Variants in UNC13C observed in about 807,000 individuals in gnomAD.
The protein encoded by UNC13C is unc-13 homolog C.
Under a neutral mutation model 245.4 loss-of-function variants are expected in UNC13C, and 174 were observed. The ratio of observed to expected loss-of-function variants is 0.71; its 90% CI spans 0.63 to 0.80. UNC13C has a LOEUF of 0.80. Among genes scored for constraint, UNC13C ranks in the 30% least tolerant of loss-of-function variants. UNC13C has a pLI of 0.00. For missense variants in UNC13C, 2,829 were observed against 2,602.9 expected (o/e 1.09, Z -1.89); for synonymous variants, 992 against 895.1 (o/e 1.11, Z -1.93).
rs2035738218 is a variant in UNC13C, at chr15:54,237,647, C to T, written c.3185C>T (p.Ser1062Phe). The change falls in exon 7 of 33, where the codon TCC (serine) becomes TTC (phenylalanine). Residue 1062 changes from serine (S) to phenylalanine (F), a missense_variant. By Grantham distance (155) the Ser-to-Phe change is radical. Transcript: ENST00000260323. ...CTGGCTGCCCGGAAATCTGGACTCT[C>T]CCTGGCTATGGTGATTAGGACATCC... ...MTLAARKSGL[S>F]LAMVIRTSLN... The T allele has an allele frequency of 6.2e-7, 1 of 1,612,408 alleles. No homozygotes were observed. Among genetic ancestry groups the T allele is most frequent in the Non-Finnish European group, 8.5e-7 (1 of 1,179,428 alleles).
intron 19 of UNC13C, among the ~76,000 whole-genome samples, chr15:54,462,874 G>A (rs552604112): frequency 6.6e-6 from 1 of 152,140 alleles, no homozygotes; most frequent in African/African-American, 2.4e-5. Context: ...CTCCACCCAT[G>A]GGCCTGGCAT....
chr15:54,314,080 A>C (rs111926104), intron 13 of UNC13C, among the ~76,000 whole-genome samples: 32,096 of 151,516 alleles, frequency 0.21, 3,512 homozygotes, highest in South Asian at 0.29. Context: ...ATCAAAAAAA[A>C]AAAACAAAAC....
chr15:54,501,462 A>G (rs985161094), intron 22 of UNC13C, among the ~76,000 whole-genome samples: 1 of 152,136 alleles, frequency 6.6e-6, no homozygotes, highest in African/African-American at 2.4e-5. Context: ...TATTTGACAT[A>G]TTGATTTTGA....
At chr15:54,308,862 A>G (rs1039645982) in intron 13 of UNC13C, among the ~76,000 whole-genome samples, 4 of 151,834 alleles carry the variant, frequency 2.6e-5, no homozygotes, top group African/African-American at 9.7e-5. Context: ...ATGGCTGAAT[A>G]CTATTCCATT....
intron 29 of UNC13C, among the ~76,000 whole-genome samples, chr15:54,567,438 T>C (rs1235552759): frequency 1.3e-5 from 2 of 152,152 alleles, no homozygotes; most frequent in African/African-American, 4.8e-5. Context: ...CCTTGGTATT[T>C]TTCTCATATT....
chr15:53,844,687 A>T, the UNC13C span, among the ~76,000 whole-genome samples: 1 of 152,086 alleles, frequency 6.6e-6, no homozygotes, highest in Non-Finnish European at 1.5e-5. Context: ...TACAATTGCA[A>T]GTTTTCTCAA....
intron 2 of UNC13C, among the ~76,000 whole-genome samples, chr15:54,021,942 A>G (rs1259149558): frequency 6.6e-6 from 1 of 152,228 alleles, no homozygotes; most frequent in African/African-American, 2.4e-5. Context: ...TCTAGCAGCA[A>G]TAGGCTATAC....
the UNC13C span, among the ~76,000 whole-genome samples, chr15:53,881,080 A>G: frequency 3.7e-4 from 56 of 152,302 alleles, no homozygotes; most frequent in East Asian, 0.011. Flanking sequence ...TGAGCCACAG[A>G]AAGGAAATAA....
At chr15:54,439,085 A>C (rs1194870450) in intron 19 of UNC13C, among the ~76,000 whole-genome samples, 4 of 151,922 alleles carry the variant, frequency 2.6e-5, no homozygotes, top group African/African-American at 9.7e-5. Flanking sequence ...AATCCTTCCT[A>C]GAAGCCAGGC....
chr15:53,847,594 G>C, the UNC13C span, among the ~76,000 whole-genome samples: 1 of 150,036 alleles, frequency 6.7e-6, no homozygotes, highest in African/African-American at 2.5e-5. Flanking sequence ...TCGAACTCCT[G>C]ACCTCAGGTG....
intron 4 of UNC13C, among the ~76,000 whole-genome samples, chr15:54,183,400 T>C (rs2033864790): frequency 6.6e-6 from 1 of 151,310 alleles, no homozygotes; most frequent in Admixed American, 6.6e-5. Context: ...ATGCTATTAC[T>C]TATCTAAATA....
Position 54,013,298 on chromosome 15 carries a change from A to G in UNC13C, c.395A>G (p.Asn132Ser). ...GAGAGTTCCTACTCAGAATCATTAA[A>G]TGAACTAAGGAGTAGCACAGAAAAC... is the stretch of plus-strand genomic sequence containing the variant. ...SIESSYSESLNELRSSTENQA... is the reference protein window; with the variant it reads ...SIESSYSESLSELRSSTENQA... Residue 132 changes from asparagine to serine, a missense_variant, in exon 2 of 33, where the codon AAT becomes AGT. By Grantham distance (46) the Asn-to-Ser change is conservative (BLOSUM62 1). Coordinates refer to ENST00000260323, the MANE Select transcript of UNC13C (RefSeq NM_001080534.3). 6.2e-7 allele frequency: 1 copy of G among 1,613,832 alleles called. No homozygotes were observed. The highest frequency in any genetic ancestry group is 8.5e-7 in the Non-Finnish European group (1 of 1,179,850).
At chr15:54,581,810 C>T (rs1898214509) in intron 30 of UNC13C, among the ~76,000 whole-genome samples, 1 of 152,086 alleles carries the variant, frequency 6.6e-6, no homozygotes, top group Admixed American at 6.6e-5. Context: ...TTTTAATCAG[C>T]CTTTTTGGTG....
At chr15:54,470,953 AT>A (rs900671770) in intron 19 of UNC13C, among the ~76,000 whole-genome samples, 8 of 150,942 alleles carry the variant, frequency 5.3e-5, no homozygotes, top group African/African-American at 1.9e-4. Flanking sequence ...AAATTTTTTC[AT>A]TTTTTTAACC....
chr15:54,002,838 T>C (rs1894958724), intron 1 of UNC13C, among the ~76,000 whole-genome samples: 1 of 152,206 alleles, frequency 6.6e-6, no homozygotes, highest in Non-Finnish European at 1.5e-5. Flanking sequence ...TCAAAGAATG[T>C]TGGGCACAGT....
Position 54,558,290 on chromosome 15 carries a change from G to C in UNC13C, c.5958+2778G>C, listed in dbSNP as rs115971790. ...ATGATTATTCACCTTTGATAATAGAGAAAATTAAAAGTGAAGAGATTTCAG... is the reference window on the plus strand; with the variant it reads ...ATGATTATTCACCTTTGATAATAGACAAAATTAAAAGTGAAGAGATTTCAG... On this transcript the variant is annotated intron_variant, in intron 29 of 32. Coordinates refer to ENST00000260323, the MANE Select transcript of UNC13C (RefSeq NM_001080534.3). 4.2e-3 allele frequency among the ~76,000 whole-genome samples: 639 copies of C among 152,086 alleles called. 3 individuals carry two copies. Among genetic ancestry groups the C allele is most frequent in the African/African-American group, 0.015 (619 of 41,514 alleles).
In UNC13C at chr15:54,549,214, CTG is replaced by C. The variant is rs1330703804; in HGVS notation, c.5821-420_5821-419del. Among the ~76,000 whole-genome samples the C allele has an allele frequency of 5.9e-5, 9 of 152,296 alleles. No homozygotes were observed. The East Asian group carries it at 1.7e-3, about 29-fold the overall frequency. On this transcript the variant is annotated intron_variant, in intron 27 of 32. Coordinates refer to ENST00000260323, the MANE Select transcript of UNC13C (RefSeq NM_001080534.3). Reference sequence around the variant, plus strand: ...GGTTAAGAGGGTAGTCGCTAATAGACTGGACAGCATTTTAGAAGGAGCAATTC... The same window carrying C: ...GGTTAAGAGGGTAGTCGCTAATAGACGACAGCATTTTAGAAGGAGCAATTC...
At chr15:54,494,376 G>T (rs1463960825) in intron 19 of UNC13C, among the ~76,000 whole-genome samples, 1 of 152,010 alleles carries the variant, frequency 6.6e-6, no homozygotes, top group African/African-American at 2.4e-5. Context: ...CAGTAAGCTG[G>T]ATTAGAACAT....
chr15:54,458,248 G>A (rs983859767), intron 19 of UNC13C, among the ~76,000 whole-genome samples: 4 of 152,010 alleles, frequency 2.6e-5, no homozygotes, highest in African/African-American at 9.7e-5. Flanking sequence ...ACCTGAGAAA[G>A]TACTATATAT....
Sources: allele counts gnomAD v4.1 joint callset (sites outside exome capture counted in the v4.1 genomes callset), GRCh38; gene constraint gnomAD v4.1.1; transcripts MANE v1.5; gene names NCBI Gene and HGNC (gene_info 2026-07-23, HGNC 2026-07-21).